TF: variants seen among roughly 807,000 people sequenced by gnomAD.
TF encodes the protein transferrin.
Under a neutral mutation model 82.4 loss-of-function variants are expected in TF, and 55 were observed. The observed-to-expected ratio is 0.67, with a 90% confidence interval of 0.54 to 0.84. The LOEUF is 0.84. TF is among the 40% of genes least tolerant of loss of function. The pLI, the probability that TF is intolerant of heterozygous loss-of-function variation, is 0.00. For synonymous variants in TF, 332 were observed against 332.6 expected, an observed-to-expected ratio of 1.00 and a Z score of 0.02; for missense variants, 737 against 868.4, an observed-to-expected ratio of 0.85 and a Z score of 1.90.
chr3:133,756,035 C>A (rs1933818789), intron 5 of TF, among the ~76,000 whole-genome samples: 1 of 152,196 alleles, frequency 6.6e-6, no homozygotes, highest in Non-Finnish European at 1.5e-5. Flanking sequence ...TTTAAAAGCT[C>A]TTTTCACATG....
At position 133,756,898 on chromosome 3, in the gene TF, G is replaced by A. The variant is rs773581959; in HGVS notation, c.759G>A (p.Pro253=). 106 of 1,614,080 alleles carry A rather than the reference G, an allele frequency of 6.6e-5. No individual in the cohort carries two copies. The highest frequency in any genetic ancestry group is 1.8e-4 in the East Asian group (8 of 44,892). The part of the protein sequence containing the change: ...ELLCLDNTRK[P]VDEYKDCHLA... ...TTTGCCTGGACAACACCCGGAAGCC[G>A]GTAGATGAATACAAGGACTGCCACT... The change falls in exon 7 of 17, where the codon CCG becomes CCA. Residue 253 remains proline, a synonymous_variant. Transcript: ENST00000402696.
upstream of TF, among the ~76,000 whole-genome samples, chr3:133,742,077 G>A (rs1330320322): frequency 6.6e-6 from 1 of 152,114 alleles, no homozygotes; most frequent in Non-Finnish European, 1.5e-5. Flanking sequence ...TTGAACTCCT[G>A]GGCTCAAGCA....
intron 1 of TF, chr3:133,748,190 C>T (rs1422013667): frequency 8.2e-6 from 5 of 606,248 alleles, no homozygotes; most frequent in South Asian, 7.4e-5. Flanking sequence ...ACCCCTCTGG[C>T]CAGCAGAGGG....
At chr3:133,682,016 A>G in the TF span, among the ~76,000 whole-genome samples, 2 of 152,278 alleles carry the variant, frequency 1.3e-5, no homozygotes, top group African/African-American at 4.8e-5. Context: ...CAGAGGAATG[A>G]TCAGGCAGCA....
At chr3:133,669,625 A>T in the TF span, among the ~76,000 whole-genome samples, 1 of 152,220 alleles carries the variant, frequency 6.6e-6, no homozygotes, top group East Asian at 1.9e-4. Context: ...TGTCATTTGA[A>T]TATCAACACA....
chr3:133,755,859 C>T, intron 5 of TF: 1 of 444,392 alleles, frequency 2.3e-6, no homozygotes, highest in East Asian at 4.8e-5. Context: ...AGCAGTGTTA[C>T]CTGCTCAGCA....
chr3:133,705,051 G>T, the TF span, among the ~76,000 whole-genome samples: 1 of 152,174 alleles, frequency 6.6e-6, no homozygotes, highest in Non-Finnish European at 1.5e-5. Flanking sequence ...GAGGTGGGTG[G>T]ATCACGTGAG....
rs1268459924 is a variant in TF at position 133,792,639 on chromosome 3, G to GC, written c.*14020dup. On this transcript the variant is annotated 3_prime_UTR_variant, in exon 17 of 17. Coordinates refer to ENST00000402696, the MANE Select transcript of TF (RefSeq NM_001063.4). The stretch of plus-strand genomic sequence containing the variant: ...GTAACATGTAAGTGAGACTACTGAA[G>GC]CAACAGTTTTACATGCAAGTTACGT... 20 of 152,256 alleles carry GC rather than the reference G, an allele frequency of 1.3e-4. No individual in the cohort carries two copies. The highest frequency in any genetic ancestry group is 4.8e-4 in the African/African-American group (20 of 41,544). 9.4% of individuals were successfully genotyped at this position (152,256 alleles called of 1,614,324 possible).
At chr3:133,705,094 G>A in the TF span, among the ~76,000 whole-genome samples, 1 of 152,274 alleles carries the variant, frequency 6.6e-6, no homozygotes, top group South Asian at 2.1e-4. Flanking sequence ...GGCCAACATG[G>A]CGAAACCCTG....
At chr3:133,717,714 G>A in the TF span, among the ~76,000 whole-genome samples, 17 of 152,290 alleles carry the variant, frequency 1.1e-4, no homozygotes, top group East Asian at 2.1e-3. Context: ...GGATTGAGGC[G>A]GCTGGGGTGG....
chr3:133,730,208 G>T, the TF span, among the ~76,000 whole-genome samples: 14 of 152,256 alleles, frequency 9.2e-5, no homozygotes, highest in African/African-American at 3.4e-4. Context: ...CTCAGTCCTA[G>T]AGGGGACAGG....
Position 133,746,488 on chromosome 3 carries a change from G to A in TF, c.43+5G>A. 1 of 1,596,916 alleles carries A rather than the reference G, an allele frequency of 6.3e-7. No individual in the cohort carries two copies. The highest frequency in any genetic ancestry group is 2.3e-5 in the East Asian group (1 of 44,324). ...TGCTGGTCTGCGCCGTCCTGGGTGA[G>A]TGCGGGCACGGGGTAGCACCGCAGA... On this transcript the variant is annotated splice_donor_5th_base_variant and intron_variant, in intron 1 of 16. Coordinates refer to ENST00000402696, the MANE Select transcript of TF (RefSeq NM_001063.4).
At chr3:133,699,671 G>A in the TF span, 1 of 470,870 alleles carries the variant, frequency 2.1e-6, no homozygotes. Flanking sequence ...TCCCTGCTTG[G>A]ATTTGGAGGG....
chr3:133,704,821 G>A, the TF span, among the ~76,000 whole-genome samples: 1 of 152,176 alleles, frequency 6.6e-6, no homozygotes, highest in Non-Finnish European at 1.5e-5. Flanking sequence ...TTCTTTAGTG[G>A]GGATCCATCC....
chr3:133,740,409 T>C, the TF span, among the ~76,000 whole-genome samples: 1 of 152,086 alleles, frequency 6.6e-6, no homozygotes, highest in African/African-American at 2.4e-5. Context: ...CTGCAACCTC[T>C]GCCTCCTGGG....
the TF span, among the ~76,000 whole-genome samples, chr3:133,729,739 C>G: frequency 6.6e-6 from 1 of 152,126 alleles, no homozygotes; most frequent in Non-Finnish European, 1.5e-5. Context: ...AGAAATCACC[C>G]GTCTTCTGCA....
chr3:133,770,166 C>T (rs1038375307), intron 13 of TF, among the ~76,000 whole-genome samples: 1 of 152,120 alleles, frequency 6.6e-6, no homozygotes, highest in African/African-American at 2.4e-5. Context: ...TGTATGAGAA[C>T]CTGAAGGAAC....
At chr3:133,715,608 A>C in the TF span, among the ~76,000 whole-genome samples, 2 of 152,158 alleles carry the variant, frequency 1.3e-5, no homozygotes, top group Non-Finnish European at 2.9e-5. Context: ...TCTTCTTTTT[A>C]CAACAAAATT....
chr3:133,756,789 T>TG (rs771194924), intron 6 of TF, 42 bp from the exon 7 acceptor site: 1 of 1,612,280 alleles, frequency 6.2e-7, no homozygotes, highest in Non-Finnish European at 8.5e-7. Context: ...CCACAGCCCA[T>TG]GGCTCTCCTG....
Sources: allele counts gnomAD v4.1 joint callset (sites outside exome capture counted in the v4.1 genomes callset), GRCh38; gene constraint gnomAD v4.1.1; transcripts MANE v1.5; gene names NCBI Gene and HGNC (gene_info 2026-07-23, HGNC 2026-07-21).